Variants in DYNC1LI1 observed in about 807,000 individuals in gnomAD.
DYNC1LI1 encodes the protein dynein cytoplasmic 1 light intermediate chain 1, also known as cytoplasmic dynein 1 light intermediate chain 1.
In DYNC1LI1, 19 loss-of-function variants were observed where a neutral mutation model predicts 63.8. That is an observed-to-expected ratio of 0.30 (90% CI 0.21 to 0.44). DYNC1LI1 has a LOEUF of 0.44. DYNC1LI1 is among the 20% of genes least tolerant of loss of function. The probability of loss-of-function intolerance (pLI) is 1.00; values close to 1 mark genes in which losing one functional copy is unlikely to be tolerated. For missense variants in DYNC1LI1, 565 were observed against 630.2 expected (o/e 0.90, Z 1.11); for synonymous variants, 225 against 232.3 (o/e 0.97, Z 0.28).
intron 10 of DYNC1LI1, 86 bp downstream of exon 10, chr3:32,530,198 T>G: frequency 9.1e-7 from 1 of 1,100,814 alleles, no homozygotes; most frequent in Non-Finnish European, 1.3e-6. Context: ...AGCACACCCA[T>G]ATGAAATATG....
chr3:32,552,394 T>G (rs911591713), intron 2 of DYNC1LI1, among the ~76,000 whole-genome samples: 2 of 152,078 alleles, frequency 1.3e-5, no homozygotes, highest in African/African-American at 4.8e-5. Flanking sequence ...ACTCCCGGCC[T>G]CAAGCATTCC....
At chr3:32,560,193 T>C (rs1193389610) in intron 2 of DYNC1LI1, among the ~76,000 whole-genome samples, 3 of 152,026 alleles carry the variant, frequency 2.0e-5, no homozygotes, top group Admixed American at 6.6e-5. Context: ...CCAAAACTTA[T>C]GGAGGCTGAG....
At chr3:32,546,817 GA>G (rs1461373686) in intron 2 of DYNC1LI1, among the ~76,000 whole-genome samples, 1 of 152,082 alleles carries the variant, frequency 6.6e-6, no homozygotes, top group Non-Finnish European at 1.5e-5. Context: ...AGAAAATGGG[GA>G]TAACAAGTTG....
intron 2 of DYNC1LI1, among the ~76,000 whole-genome samples, chr3:32,561,033 A>AAAAAAAAAAAAAAAAAAAAAAAAT (rs1698186141): frequency 1.1e-5 from 1 of 88,412 alleles, no homozygotes; most frequent in Admixed American, 1.2e-4. Flanking sequence ...AAAAAAAAAA[A>AAAAAAAAAAAAAAAAAAAAAAAAT]CAAACAAAAA....
chr3:32,542,561 C>T (rs1697896647), intron 4 of DYNC1LI1, among the ~76,000 whole-genome samples: 1 of 152,062 alleles, frequency 6.6e-6, no homozygotes, highest in African/African-American at 2.4e-5. Context: ...GCGCCCACCA[C>T]CACGCCTGGC....
rs1221449021 is a variant in DYNC1LI1, at chr3:32,529,546, T to G, written c.1300A>C (p.Met434Leu). Residue 434 changes from methionine (M) to leucine (L), a missense_variant, in exon 11 of 13, where the codon ATG becomes CTG. Coordinates refer to ENST00000273130, the MANE Select transcript of DYNC1LI1 (RefSeq NM_016141.4). Reference sequence around the variant, plus strand: ...CTCCTAGAAAGAGATGTACCTTTCATGTTTGGATCAATTTTTTTTGACCCA... The same window carrying G: ...CTCCTAGAAAGAGATGTACCTTTCAGGTTTGGATCAATTTTTTTTGACCCA... ...PAGSKKIDPNMKAGATSEGVL... is the reference protein window; with the variant it reads ...PAGSKKIDPNLKAGATSEGVL... The G allele has an allele frequency of 1.2e-6, 2 of 1,606,610 alleles. No individual in the cohort carries two copies. The highest frequency in any genetic ancestry group is 1.7e-6 in the Non-Finnish European group (2 of 1,176,046).
At chr3:32,565,306 AC>A (rs1215353615) in intron 2 of DYNC1LI1, among the ~76,000 whole-genome samples, 1 of 152,250 alleles carries the variant, frequency 6.6e-6, no homozygotes, top group Non-Finnish European at 1.5e-5. Flanking sequence ...GGCTTATATG[AC>A]TTGACAAAGG....
chr3:32,545,988 A>G (rs1446999869), intron 2 of DYNC1LI1, 23 bp from the exon 3 acceptor site: 1 of 1,455,032 alleles, frequency 6.9e-7, no homozygotes, highest in Admixed American at 1.9e-5. Context: ...AAAAAGGATA[A>G]ATCTTATAAA....
chr3:32,528,949 T>C (rs898675007), intron 11 of DYNC1LI1, among the ~76,000 whole-genome samples: 2 of 152,166 alleles, frequency 1.3e-5, no homozygotes, highest in Non-Finnish European at 2.9e-5. Context: ...CAGAATCCTA[T>C]ATGAAAACCG....
In DYNC1LI1 at chr3:32,544,330, C is replaced by A. The variant is rs148641309; in HGVS notation, c.568+546G>T. 9.0e-3 allele frequency among the ~76,000 whole-genome samples: 1,365 copies of A among 152,152 alleles called. 29 individuals carry two copies. The highest frequency in any genetic ancestry group is 0.031 in the African/African-American group (1,296 of 41,516). ...CTGAAGAAAGATTCAATCTTTTCACCCTGCAAAGCTACTTTCCAAAATGAA... is the reference window on the plus strand; with the variant it reads ...CTGAAGAAAGATTCAATCTTTTCACACTGCAAAGCTACTTTCCAAAATGAA... On this transcript the variant is annotated intron_variant, in intron 4 of 12. Coordinates refer to ENST00000273130, the MANE Select transcript of DYNC1LI1 (RefSeq NM_016141.4).
At chr3:32,541,344 C>T in intron 4 of DYNC1LI1, 138 bp from the exon 5 acceptor site, 1 of 588,614 alleles carries the variant, frequency 1.7e-6, no homozygotes, top group Non-Finnish European at 2.9e-6. Context: ...GTTTGAGAAA[C>T]CTATTTCAAA....
chr3:32,526,925 G>T lies in DYNC1LI1; in HGVS notation c.1463-17C>A. On this transcript the variant is annotated splice_polypyrimidine_tract_variant and intron_variant, in intron 12 of 12. Transcript: ENST00000273130. ...GCTTCTGGCCTACATTGAAGAAAAA[G>T]AAAAAAAACAAGATTTAGATATAAG... The T allele has an allele frequency of 6.5e-7, 1 of 1,549,396 alleles. No homozygotes were observed. The highest frequency in any genetic ancestry group is 8.8e-7 in the Non-Finnish European group (1 of 1,134,508).
chr3:32,534,369 A>C (rs530937993), intron 7 of DYNC1LI1, 142 bp downstream of exon 7: 2 of 647,614 alleles, frequency 3.1e-6, no homozygotes, highest in African/African-American at 1.9e-5. Context: ...GGTTATAAAC[A>C]AAAAACAATC....
At chr3:32,529,193 T>C (rs1459155124) in intron 11 of DYNC1LI1, among the ~76,000 whole-genome samples, 1 of 152,226 alleles carries the variant, frequency 6.6e-6, no homozygotes, top group Non-Finnish European at 1.5e-5. Flanking sequence ...GACCTACTAA[T>C]CCCACTTATG....
At chr3:32,536,073 A>G (rs1035658191) in intron 6 of DYNC1LI1, among the ~76,000 whole-genome samples, 4 of 152,200 alleles carry the variant, frequency 2.6e-5, no homozygotes, top group African/African-American at 9.6e-5. Flanking sequence ...TGACATGAGA[A>G]GAGAAAGGCC....
chr3:32,551,202 AG>A (rs1268893377), intron 2 of DYNC1LI1, among the ~76,000 whole-genome samples: 2 of 152,166 alleles, frequency 1.3e-5, no homozygotes, highest in African/African-American at 4.8e-5. Context: ...GTCAGCCCAG[AG>A]GGAAGAGCCT....
In DYNC1LI1 at chr3:32,570,326, G is replaced by GCGGGGCGAGGCAGGGAACACTTA; in HGVS notation, c.220+19_220+20insTAAGTGTTCCCTGCCTCGCCCCG. On this transcript the variant is annotated intron_variant, in intron 2 of 12. Coordinates refer to ENST00000273130, the MANE Select transcript of DYNC1LI1 (RefSeq NM_016141.4). ...GCCGCTGGGGGCCGGGCGGGGCGGG[G>GCGGGGCGAGGCAGGGAACACTTA]CGAGGCAGGGAACACTTACCCAGCA... is the stretch of plus-strand genomic sequence containing the variant. 3.8e-6 allele frequency: 6 copies of GCGGGGCGAGGCAGGGAACACTTA among 1,576,592 alleles called. No individual in the cohort carries two copies. The South Asian group carries it at 6.9e-5, about 18-fold the overall frequency.
chr3:32,542,901 C>T (rs1434150947), intron 4 of DYNC1LI1, among the ~76,000 whole-genome samples: 2 of 152,166 alleles, frequency 1.3e-5, no homozygotes, highest in African/African-American at 4.8e-5. Flanking sequence ...CCTCTAGAAA[C>T]ACAGGGGTCT....
intron 2 of DYNC1LI1, among the ~76,000 whole-genome samples, chr3:32,546,736 A>C (rs2125438608): frequency 6.6e-6 from 1 of 152,304 alleles, no homozygotes; most frequent in South Asian, 2.1e-4. Context: ...TTCCCTGTAC[A>C]TCAGGACAGG....
Sources: gnomAD v4.1 joint callset for allele counts (sites outside exome capture counted in the v4.1 genomes callset) on GRCh38, gnomAD v4.1.1 for gene constraint, MANE v1.5 for transcripts, NCBI Gene and HGNC (gene_info 2026-07-23, HGNC 2026-07-21) for gene names.